The following TNS3 variants were observed in gnomAD, a reference collection of about 807,000 sequenced individuals.
TNS3 encodes the protein tensin 3, also known as tensin-3.
TNS3 carries 45 observed loss-of-function variants against 140.9 expected under a neutral mutation model. That is an observed-to-expected ratio of 0.32 (90% CI 0.25 to 0.41). TNS3 has a LOEUF of 0.41. Ranked by LOEUF, TNS3 falls within the 10% of genes least tolerant of loss-of-function variation. The pLI, the probability that TNS3 is intolerant of heterozygous loss-of-function variation, is 1.00. For missense variants in TNS3, 1,716 were observed against 1,906.7 expected (o/e 0.90, Z 1.86); for synonymous variants, 815 against 788.4 (o/e 1.03, Z -0.56).
At chr7:47,372,806 G>A (rs1791152879) in intron 16 of TNS3, among the ~76,000 whole-genome samples, 1 of 152,200 alleles carries the variant, frequency 6.6e-6, no homozygotes, top group African/African-American at 2.4e-5. Context: ...CAAAGACCAG[G>A]CTGGACTCTT....
intron 20 of TNS3, among the ~76,000 whole-genome samples, chr7:47,320,765 G>A (rs1787689114): frequency 6.6e-6 from 1 of 152,202 alleles, no homozygotes; most frequent in Non-Finnish European, 1.5e-5. Context: ...TTCAACATAG[G>A]AATGTGCAGG....
intron 20 of TNS3, among the ~76,000 whole-genome samples, chr7:47,313,579 T>G (rs749012286): frequency 6.6e-6 from 1 of 152,206 alleles, no homozygotes; most frequent in African/African-American, 2.4e-5. Flanking sequence ...CAGCACAGCA[T>G]GCAGTACCTG....
intron 1 of TNS3, among the ~76,000 whole-genome samples, chr7:47,545,141 A>ATT (rs34499360): frequency 0.41 from 49,829 of 121,730 alleles, 10,799 homozygotes; most frequent in Non-Finnish European, 0.51. Context: ...GTAAGAGGGC[A>ATT]TTTTTTTTTT....
At chr7:47,319,147 AG>A (rs1170663050) in intron 20 of TNS3, among the ~76,000 whole-genome samples, 2 of 152,224 alleles carry the variant, frequency 1.3e-5, no homozygotes, top group Non-Finnish European at 2.9e-5. Flanking sequence ...ACCGCTATAT[AG>A]GAACAACCGA....
chr7:47,572,561 G>A (rs1217076682), intron 1 of TNS3, among the ~76,000 whole-genome samples: 7 of 151,976 alleles, frequency 4.6e-5, no homozygotes, highest in Non-Finnish European at 8.8e-5. Flanking sequence ...CTATTTAATG[G>A]AGGTGGGGGT....
intron 4 of TNS3, among the ~76,000 whole-genome samples, chr7:47,459,265 A>T: frequency 6.6e-6 from 1 of 152,238 alleles, no homozygotes; most frequent in East Asian, 1.9e-4. Context: ...TGGGGTCCAC[A>T]TCACTAGGAC....
Position 47,407,497 on chromosome 7 carries a change from C to T in TNS3, c.723+4230G>A, listed in dbSNP as rs535515985. 2.0e-5 allele frequency among the ~76,000 whole-genome samples: 3 copies of T among 152,186 alleles called. No individual in the cohort carries two copies. Among genetic ancestry groups the T allele is most frequent in the Admixed American group, 6.5e-5 (1 of 15,284 alleles). ...CTCAGGATAAAGGCTGGTGACAAAC[C>T]ACAGCCACAGGGACTGGGCCGTCAA... On this transcript the variant is annotated intron_variant, in intron 13 of 30. Transcript: ENST00000311160. This position sits in a 1 kb window ranked among gnomAD's most constrained non-coding sequence, Gnocchi z 4.1.
chr7:47,481,949 G>T (rs919119162), intron 3 of TNS3, among the ~76,000 whole-genome samples: 7 of 152,222 alleles, frequency 4.6e-5, no homozygotes, highest in Non-Finnish European at 1.0e-4. Flanking sequence ...CTTCCGGGCA[G>T]GGTCATGGTG....
At chr7:47,366,215 A>G (rs1458630250) in intron 17 of TNS3, among the ~76,000 whole-genome samples, 1 of 152,214 alleles carries the variant, frequency 6.6e-6, no homozygotes, top group Admixed American at 6.5e-5. Flanking sequence ...TGTTTAATGC[A>G]TCGACCTGGA....
intron 1 of TNS3, among the ~76,000 whole-genome samples, chr7:47,532,900 CAA>C (rs1455521081): frequency 1.3e-5 from 2 of 151,418 alleles, no homozygotes; most frequent in East Asian, 1.9e-4. Flanking sequence ...AATAAGCAAA[CAA>C]GAGAGATAAA....
chr7:47,582,286 G>T (rs1784556284), upstream of TNS3: 1 of 363,910 alleles, frequency 2.7e-6, no homozygotes, highest in African/African-American at 2.2e-5. Flanking sequence ...CTTCACCGGG[G>T]TCCCCCGCCC....
Position 47,407,618 on chromosome 7 carries a change from T to A in TNS3, c.723+4109A>T, listed in dbSNP as rs7801481. Among the ~76,000 whole-genome samples the A allele has an allele frequency of 0.36, 54,514 of 152,100 alleles. 11,799 individuals carry two copies. Among genetic ancestry groups the A allele is most frequent in the Middle Eastern group, 0.5 (146 of 294 alleles). On this transcript the variant is annotated intron_variant, in intron 13 of 30. Transcript: ENST00000311160. The surrounding 1 kb of genome is among the most constrained non-coding windows in gnomAD (Gnocchi z 4.1). ...CAGGCTGAATGGTGTCCTTCCAAAA[T>A]CCATAAGTTGAAGGTCTCAGCACTT...
rs893325166 is a variant in TNS3, at chr7:47,542,211, A to T, written c.-264-13064T>A. ...AACAACAGAGAAAGCTTCAGTCTCC[A>T]CCTAATCAAGGGGTCAAGGTGACCA... is the stretch of plus-strand genomic sequence containing the variant. On this transcript the variant is annotated intron_variant, in intron 1 of 30. Transcript: ENST00000311160. Among the ~76,000 whole-genome samples the T allele has an allele frequency of 3.3e-5, 5 of 152,330 alleles. 1 individual carries two copies. The highest frequency in any genetic ancestry group is 1.2e-4 in the African/African-American group (5 of 41,584).
At chr7:47,357,260 C>T (rs1289512157) in intron 17 of TNS3, among the ~76,000 whole-genome samples, 1 of 152,132 alleles carries the variant, frequency 6.6e-6, no homozygotes, top group Admixed American at 6.5e-5. Flanking sequence ...AGGAATAAAG[C>T]GCGACATCAC....
intron 17 of TNS3, among the ~76,000 whole-genome samples, chr7:47,363,127 T>C (rs943426393): frequency 5.2e-5 from 3 of 57,960 alleles, no homozygotes; most frequent in Non-Finnish European, 7.4e-5. Context: ...ATCATCACCA[T>C]CATCACTGTC....
intron 16 of TNS3, among the ~76,000 whole-genome samples, chr7:47,389,340 G>A (rs1792374460): frequency 6.6e-6 from 1 of 152,170 alleles, no homozygotes; most frequent in Non-Finnish European, 1.5e-5. Flanking sequence ...GAGGCCCAAG[G>A]TTTGTGTGCC....
At chr7:47,426,396 G>A (rs1395185028) in intron 9 of TNS3, among the ~76,000 whole-genome samples, 1 of 152,176 alleles carries the variant, frequency 6.6e-6, no homozygotes, top group African/African-American at 2.4e-5. Flanking sequence ...ATGATGTCGG[G>A]AAATGATGCA....
At chr7:47,569,143 G>T (rs543371791) in intron 1 of TNS3, among the ~76,000 whole-genome samples, 2 of 152,238 alleles carry the variant, frequency 1.3e-5, no homozygotes, top group African/African-American at 4.8e-5. Context: ...TTGTGAACAC[G>T]ATCTGGGGGT....
chr7:47,442,443 C>T (rs1458212789), intron 4 of TNS3, among the ~76,000 whole-genome samples: 1 of 152,246 alleles, frequency 6.6e-6, no homozygotes, highest in Non-Finnish European at 1.5e-5. Context: ...TAATGAGTGA[C>T]TTTCAGGAAT....
Sources: gnomAD v4.1 joint callset for allele counts (sites outside exome capture counted in the v4.1 genomes callset) on GRCh38, gnomAD v4.1.1 for gene constraint, Gnocchi (gnomAD v3.1) non-coding constraint, MANE v1.5 for transcripts, NCBI Gene and HGNC (gene_info 2026-07-23, HGNC 2026-07-21) for gene names.